Variants in DIP2C observed in about 807,000 individuals in gnomAD.
The protein encoded by DIP2C is disco-interacting protein 2 homolog C.
Under a neutral mutation model 192.4 loss-of-function variants are expected in DIP2C, and 33 were observed. That is an observed-to-expected ratio of 0.17 (90% CI 0.13 to 0.23). DIP2C has a LOEUF of 0.23. DIP2C is among the 10% of genes least tolerant of loss of function. The pLI, the probability that DIP2C is intolerant of heterozygous loss-of-function variation, is 1.00. For missense variants in DIP2C, 1,537 were observed against 2,110.1 expected, an observed-to-expected ratio of 0.73 and a Z score of 5.32; for synonymous variants, 979 against 864.1, an observed-to-expected ratio of 1.13 and a Z score of -2.33.
chr10:336,576 GACAA>G (rs1459272013), intron 29 of DIP2C, among the ~76,000 whole-genome samples: 3 of 152,190 alleles, frequency 2.0e-5, no homozygotes, highest in South Asian at 2.1e-4. Flanking sequence ...TAACCATGAT[GACAA>G]ACAACTGTTA....
chr10:351,288 G>C (rs1411546302), intron 24 of DIP2C, among the ~76,000 whole-genome samples: 1 of 152,226 alleles, frequency 6.6e-6, no homozygotes, highest in Non-Finnish European at 1.5e-5. Flanking sequence ...GGCGGGGCAC[G>C]GTGAGTGGAA....
rs756777930 is a variant in DIP2C at position 472,520 on chromosome 10, G to A, written c.187C>T (p.Arg63Trp). 4 of 1,614,188 alleles carry A rather than the reference G, an allele frequency of 2.5e-6. No individual in the cohort carries two copies. Among genetic ancestry groups the A allele is most frequent in the Non-Finnish European group, 3.4e-6 (4 of 1,180,034 alleles). Reference sequence around the variant, plus strand: ...GCGGAGGAAGGAGTGACAGGAGCCCGGCGTTCTTGCGGCAAAGCTTGGTCC... The same window carrying A: ...GCGGAGGAAGGAGTGACAGGAGCCCAGCGTTCTTGCGGCAAAGCTTGGTCC... ...RVDQALPQER[R>W]APVTPSSASR... Residue 63 changes from arginine (R) to tryptophan (W), a missense_variant, in exon 3 of 37, where the codon CGG (arginine) becomes TGG (tryptophan). Transcript: ENST00000280886.
intron 3 of DIP2C, among the ~76,000 whole-genome samples, chr10:449,920 C>CAACAAAAAAAAAAAAAA (rs1408389732): frequency 7.4e-6 from 1 of 135,912 alleles, no homozygotes; most frequent in African/African-American, 3.0e-5. Flanking sequence ...TCAACAACAA[C>CAACAAAAAAAAAAAAAA]AAAAAAAAAA....
intron 31 of DIP2C, chr10:324,761 T>G (rs909214214): frequency 5.5e-6 from 2 of 366,634 alleles, no homozygotes; most frequent in African/African-American, 4.2e-5. Context: ...GCACATTCAT[T>G]CAATATCCAC....
At position 349,350 on chromosome 10, in the gene DIP2C, C is replaced by T. The variant is rs1203881960; in HGVS notation, c.3090G>A (p.Val1030=). ...CTGTACCTGGGGGGTAGACCAAGGC[C>T]ACGTGGTCGCCGTCCTGAAGGTGGC... is the stretch of plus-strand genomic sequence containing the variant. The part of the protein sequence containing the change: ...ERGHLQDGDH[V]ALVYPPGIDL... Residue 1030 remains valine (V), a synonymous_variant, in exon 25 of 37, where the codon GTG becomes GTA. Transcript: ENST00000280886. 1.2e-6 allele frequency: 2 copies of T among 1,609,008 alleles called. No individual in the cohort carries two copies. Among genetic ancestry groups the T allele is most frequent in the Admixed American group, 3.3e-5 (2 of 59,992 alleles).
chr10:459,556 C>G (rs1969582407), intron 3 of DIP2C, among the ~76,000 whole-genome samples: 2 of 152,188 alleles, frequency 1.3e-5, no homozygotes, highest in Admixed American at 1.3e-4. Context: ...TAGTATCTTC[C>G]TCTCAGTCAC....
At chr10:470,407 C>T (rs1481460437) in intron 3 of DIP2C, among the ~76,000 whole-genome samples, 1 of 152,210 alleles carries the variant, frequency 6.6e-6, no homozygotes, top group Non-Finnish European at 1.5e-5. Flanking sequence ...TCCTGCCACT[C>T]TCAGCCACCC....
intron 3 of DIP2C, among the ~76,000 whole-genome samples, chr10:466,810 A>T (rs1970238842): frequency 7.1e-6 from 1 of 141,660 alleles, no homozygotes; most frequent in Admixed American, 7.5e-5. Context: ...CGTCAGAGAA[A>T]TGCAAATCAA....
intron 1 of DIP2C, among the ~76,000 whole-genome samples, chr10:624,885 G>A (rs1157036392): frequency 1.3e-5 from 2 of 152,098 alleles, no homozygotes; most frequent in African/African-American, 2.4e-5. Flanking sequence ...CGGGGGGGGA[G>A]CCGCACTGGG....
chr10:658,534 C>T (rs1856553099), intron 1 of DIP2C, among the ~76,000 whole-genome samples: 1 of 152,274 alleles, frequency 6.6e-6, no homozygotes, highest in Non-Finnish European at 1.5e-5. Context: ...TGGCATCATT[C>T]AGTGGGCAGT....
intron 36 of DIP2C, among the ~76,000 whole-genome samples, chr10:280,128 T>C (rs935767638): frequency 3.3e-5 from 5 of 151,946 alleles, no homozygotes; most frequent in Admixed American, 1.3e-4. Flanking sequence ...CTTTTGAGAG[T>C]AGGGGCTTAG....
At chr10:477,708 A>AAAGGAGAGAGAAGAAAGAG (rs1230924633) in intron 2 of DIP2C, among the ~76,000 whole-genome samples, 2 of 144,012 alleles carry the variant, frequency 1.4e-5, no homozygotes, top group Non-Finnish European at 3.1e-5. Flanking sequence ...AGGAAAGAAT[A>AAAGGAGAGAGAAGAAAGAG]AAGGAGAGAG....
At chr10:311,017 A>T (rs1956542696) in intron 31 of DIP2C, among the ~76,000 whole-genome samples, 1 of 151,900 alleles carries the variant, frequency 6.6e-6, no homozygotes, top group Non-Finnish European at 1.5e-5. Context: ...TATATTGCTT[A>T]TATATAAGAA....
intron 1 of DIP2C, among the ~76,000 whole-genome samples, chr10:570,302 C>G (rs1337824168): frequency 1.3e-5 from 2 of 152,148 alleles, no homozygotes; most frequent in Non-Finnish European, 2.9e-5. Context: ...TTTTATGGAT[C>G]AGGAAACAGT....
chr10:381,420 T>A (rs1244400988), intron 17 of DIP2C, among the ~76,000 whole-genome samples: 1 of 152,142 alleles, frequency 6.6e-6, no homozygotes, highest in Non-Finnish European at 1.5e-5. Context: ...TCCTTTTCGG[T>A]CCTTCGGTGT....
intron 31 of DIP2C, among the ~76,000 whole-genome samples, chr10:319,962 A>C (rs1197837539): frequency 6.6e-6 from 1 of 152,218 alleles, no homozygotes; most frequent in Non-Finnish European, 1.5e-5. Flanking sequence ...CAATGACTAA[A>C]GAATGTATTT....
chr10:570,090 G>A (rs530187831), intron 1 of DIP2C, among the ~76,000 whole-genome samples: 15 of 152,214 alleles, frequency 9.9e-5, no homozygotes, highest in South Asian at 2.1e-4. Flanking sequence ...CCACTGCCAC[G>A]ACCAAAGGCT....
rs185696891 is a variant in DIP2C at position 338,188 on chromosome 10, A to T, written c.3584+3011T>A. ...TTTATAGATGAGTCAAAAATGTTACAAATTAAAACGTTAAGGTTAAAAAGT... is the reference window on the plus strand; with the variant it reads ...TTTATAGATGAGTCAAAAATGTTACTAATTAAAACGTTAAGGTTAAAAAGT... On this transcript the variant is annotated intron_variant, in intron 29 of 36. Coordinates refer to ENST00000280886, the MANE Select transcript of DIP2C (RefSeq NM_014974.3). Among the ~76,000 whole-genome samples, 3 of 152,388 alleles carry T rather than the reference A, an allele frequency of 2.0e-5. No homozygotes were observed. The East Asian group carries it at 5.8e-4, about 29-fold the overall frequency.
At chr10:325,711 G>T (rs991961806) in intron 31 of DIP2C, among the ~76,000 whole-genome samples, 5 of 152,170 alleles carry the variant, frequency 3.3e-5, no homozygotes, top group African/African-American at 1.2e-4. Context: ...GAACTAGTTT[G>T]GTGAGATAAA....
Sources: allele counts gnomAD v4.1 joint callset (sites outside exome capture counted in the v4.1 genomes callset), GRCh38; gene constraint gnomAD v4.1.1; transcripts MANE v1.5; gene names NCBI Gene and HGNC (gene_info 2026-07-23, HGNC 2026-07-21).